Variants in DOK6 observed in about 807,000 individuals in gnomAD.
The protein encoded by DOK6 is downstream of tyrosine kinase 6.
Under a neutral mutation model 44.0 loss-of-function variants are expected in DOK6, and 22 were observed. The ratio of observed to expected loss-of-function variants is 0.50; its 90% CI spans 0.36 to 0.71. The LOEUF is 0.71. Among genes scored for constraint, DOK6 ranks in the 30% least tolerant of loss-of-function variants. The pLI is 0.00. For missense variants in DOK6, 340 were observed against 416.4 expected, an observed-to-expected ratio of 0.82 and a Z score of 1.60; for synonymous variants, 166 against 145.5, an observed-to-expected ratio of 1.14 and a Z score of -1.01.
At chr18:69,406,715 C>T (rs1219035856) in intron 1 of DOK6, among the ~76,000 whole-genome samples, 1 of 152,160 alleles carries the variant, frequency 6.6e-6, no homozygotes, top group African/African-American at 2.4e-5. Flanking sequence ...TTCCCAGTTT[C>T]CTTAAATGTC....
intron 7 of DOK6, among the ~76,000 whole-genome samples, chr18:69,758,312 A>G: frequency 6.6e-6 from 1 of 152,198 alleles, no homozygotes; most frequent in Non-Finnish European, 1.5e-5. Flanking sequence ...CTACCCATGA[A>G]AGTCTTAAAG....
chr18:69,561,217 T>A (rs1049474521), intron 1 of DOK6, among the ~76,000 whole-genome samples: 1 of 152,114 alleles, frequency 6.6e-6, no homozygotes, highest in Admixed American at 6.6e-5. Flanking sequence ...ACTAAGTAAT[T>A]TGTGTAAGGT....
chr18:69,600,834 A>C (rs1983855763), intron 3 of DOK6, among the ~76,000 whole-genome samples: 2 of 152,208 alleles, frequency 1.3e-5, no homozygotes, highest in Admixed American at 1.3e-4. Flanking sequence ...TTTATGTGAA[A>C]ATCTTATTTA....
intron 7 of DOK6, among the ~76,000 whole-genome samples, chr18:69,823,318 T>A (rs1981631241): frequency 6.6e-6 from 1 of 152,128 alleles, no homozygotes; most frequent in Non-Finnish European, 1.5e-5. Flanking sequence ...CAGAGTGAAG[T>A]GGCTTCCAAC....
intron 7 of DOK6, among the ~76,000 whole-genome samples, chr18:69,784,639 A>T (rs1009881094): frequency 6.6e-6 from 1 of 152,118 alleles, no homozygotes; most frequent in African/African-American, 2.4e-5. Context: ...CATCCAAAAA[A>T]ATTCATTAGT....
chr18:69,677,442 C>T (rs374286342), intron 3 of DOK6, among the ~76,000 whole-genome samples: 1 of 151,128 alleles, frequency 6.6e-6, no homozygotes, highest in African/African-American at 2.4e-5. Flanking sequence ...ATTTTCCTCC[C>T]CAAGTAAAAT....
intron 1 of DOK6, among the ~76,000 whole-genome samples, chr18:69,409,736 C>T (rs1033207094): frequency 6.6e-6 from 1 of 152,030 alleles, no homozygotes; most frequent in African/African-American, 2.4e-5. Flanking sequence ...AAAACTATAA[C>T]TTTAACACCA....
chr18:69,820,076 T>G (rs539180062), intron 7 of DOK6, among the ~76,000 whole-genome samples: 1 of 152,330 alleles, frequency 6.6e-6, no homozygotes, highest in East Asian at 1.9e-4. Flanking sequence ...TTTTTAAGGC[T>G]GAGTAATATT....
In DOK6 at chr18:69,437,944, A is replaced by G. The variant is rs558227046; in HGVS notation, c.66+36634A>G. ...GTGTCAATATCATTGTGTCTGAAAA[A>G]CAATGTAATTCCTTCATTAAAAAGT... On this transcript the variant is annotated intron_variant, in intron 1 of 7. Transcript: ENST00000382713. Among the ~76,000 whole-genome samples, 3 of 152,306 alleles carry G rather than the reference A, an allele frequency of 2.0e-5. No homozygotes were observed. The East Asian group carries it at 5.8e-4, about 29-fold the overall frequency.
At chr18:69,516,792 C>T (rs1482308351) in intron 1 of DOK6, among the ~76,000 whole-genome samples, 1 of 151,794 alleles carries the variant, frequency 6.6e-6, no homozygotes, top group Non-Finnish European at 1.5e-5. Flanking sequence ...TCCCCTGCCT[C>T]AGCCTCCGGA....
At chr18:69,584,301 G>T (rs1369257877) in intron 2 of DOK6, among the ~76,000 whole-genome samples, 1 of 149,982 alleles carries the variant, frequency 6.7e-6, no homozygotes, top group African/African-American at 2.5e-5. Context: ...TTGTTTTTTC[G>T]TATGAGATAG....
chr18:69,548,072 GC>G (rs1298266420), intron 1 of DOK6, among the ~76,000 whole-genome samples: 1 of 150,466 alleles, frequency 6.6e-6, no homozygotes, highest in Non-Finnish European at 1.5e-5. Context: ...TCCTGCCTCA[GC>G]CTCCCGAGTA....
intron 2 of DOK6, among the ~76,000 whole-genome samples, chr18:69,598,433 A>G (rs954452348): frequency 3.3e-5 from 5 of 152,190 alleles, no homozygotes; most frequent in African/African-American, 1.2e-4. Context: ...ATAAGATCAT[A>G]TAATTATAGA....
At chr18:69,559,901 G>A (rs1387683118) in intron 1 of DOK6, among the ~76,000 whole-genome samples, 1 of 152,048 alleles carries the variant, frequency 6.6e-6, no homozygotes, top group East Asian at 1.9e-4. Flanking sequence ...ATGTCTTCTT[G>A]TAAGAGCACT....
intron 1 of DOK6, among the ~76,000 whole-genome samples, chr18:69,425,819 T>A (rs1419601332): frequency 6.6e-6 from 1 of 152,072 alleles, no homozygotes; most frequent in Non-Finnish European, 1.5e-5. Context: ...ATCTGTATAT[T>A]GAGTTGAAAT....
At chr18:69,699,041 C>T (rs11875307) in intron 5 of DOK6, among the ~76,000 whole-genome samples, 45,710 of 151,924 alleles carry the variant, frequency 0.3, 8,434 homozygotes, top group East Asian at 0.72. Flanking sequence ...TGCTTTTAGG[C>T]AAATATACTG....
At chr18:69,529,308 C>T (rs1405289342) in intron 1 of DOK6, among the ~76,000 whole-genome samples, 2 of 152,086 alleles carry the variant, frequency 1.3e-5, no homozygotes, top group African/African-American at 4.8e-5. Context: ...CTTTTCATTG[C>T]TTTGTGAGGT....
At chr18:69,576,448 C>A (rs1983240631) in intron 2 of DOK6, among the ~76,000 whole-genome samples, 1 of 152,012 alleles carries the variant, frequency 6.6e-6, no homozygotes, top group Non-Finnish European at 1.5e-5. Context: ...ATGTTTGCAA[C>A]CTAAATGAGA....
intron 7 of DOK6, among the ~76,000 whole-genome samples, chr18:69,824,227 G>T (rs1260899106): frequency 7.5e-6 from 1 of 133,320 alleles, no homozygotes; most frequent in Admixed American, 9.1e-5. Flanking sequence ...CCCGGTGTGT[G>T]ATGTTCCCCT....
Sources: allele counts gnomAD v4.1 joint callset (sites outside exome capture counted in the v4.1 genomes callset), GRCh38; gene constraint gnomAD v4.1.1; transcripts MANE v1.5; gene names NCBI Gene and HGNC (gene_info 2026-07-23, HGNC 2026-07-21).